MSH6: variants seen among roughly 807,000 people sequenced by gnomAD.
MSH6 encodes the protein mutS homolog 6.
In MSH6, 85 loss-of-function variants were observed where a neutral mutation model predicts 119.1. The ratio of observed to expected loss-of-function variants is 0.71; its 90% CI spans 0.60 to 0.85. MSH6 has a LOEUF of 0.85. Ranked by LOEUF, MSH6 falls within the 40% of genes least tolerant of loss-of-function variation. The probability of loss-of-function intolerance (pLI) is 0.00; values close to 1 mark genes in which losing one functional copy is unlikely to be tolerated. For synonymous variants in MSH6, 830 were observed against 586.9 expected (o/e 1.41, Z -5.99); for missense variants, 2,163 against 1,655.3 (o/e 1.31, Z -5.32).
chr2:47,808,977 A>AC (rs1284659705), downstream of MSH6: 9 of 489,144 alleles, frequency 1.8e-5, no homozygotes, highest in African/African-American at 1.8e-4. Flanking sequence ...GATTACAGGC[A>AC]TAAGCCACCA....
intron 1 of MSH6, chr2:47,789,457 G>A (rs2104066738): frequency 2.2e-6 from 1 of 458,876 alleles, no homozygotes; most frequent in African/African-American, 2.0e-5. Context: ...ACAAATGGAA[G>A]ACATTATTTT....
At chr2:47,809,458 C>T, downstream of MSH6, 1 of 716,800 alleles carries the variant, frequency 1.4e-6, no homozygotes, top group Non-Finnish European at 2.3e-6. Flanking sequence ...CCATTTAGAA[C>T]CAAAGCTCTG....
rs1669068408 is a variant in MSH6, at chr2:47,796,053, A to G, written c.617A>G (p.Glu206Gly). The G allele has an allele frequency of 6.2e-7, 1 of 1,614,124 alleles. No homozygotes were observed. Among genetic ancestry groups the G allele is most frequent in the South Asian group, 1.1e-5 (1 of 91,076 alleles). ...GAGCCCTCAGAGCCAGAAGAGGAAG[A>G]AGAGATGGAGGTGGGACACGGCAAG... Reference protein sequence around the residue: ...CDEPSEPEEEEEMEVGTTYVT... With the variant: ...CDEPSEPEEEGEMEVGTTYVT... The change falls in exon 3 of 10, where the codon GAA (glutamate) becomes GGA (glycine). Residue 206 changes from glutamate to glycine, a missense_variant. Glu to Gly is a moderately conservative substitution (Grantham distance 98). Transcript: ENST00000234420.
downstream of MSH6, chr2:47,808,168 G>A: frequency 6.2e-7 from 1 of 1,613,442 alleles, no homozygotes; most frequent in Non-Finnish European, 8.5e-7. Context: ...GAGTCATATA[G>A]TGTATCTGTA....
At chr2:47,803,129 G>C (rs1438816051) in intron 4 of MSH6, among the ~76,000 whole-genome samples, 1 of 152,096 alleles carries the variant, frequency 6.6e-6, no homozygotes, top group Admixed American at 6.5e-5. Flanking sequence ...TGTTGGTCAG[G>C]CTGGTCCTGA....
chr2:47,791,150 GTGTT>G lies in MSH6; in HGVS notation c.457+31_457+34del, dbSNP rs1572709142. ...TAAGAGTCACTACTGCCATGTGTGT[GTGTT>G]TGTGTGTGTGTGTGTGTGTGTGAGA... On this transcript the variant is annotated intron_variant, in intron 2 of 9. Transcript: ENST00000234420. 7 of 1,586,542 alleles carry G rather than the reference GTGTT, an allele frequency of 4.4e-6. No individual in the cohort carries two copies. The highest frequency in any genetic ancestry group is 3.3e-5 in the South Asian group (3 of 90,340).
chr2:47,808,210 G>T, downstream of MSH6: 1 of 1,613,394 alleles, frequency 6.2e-7, no homozygotes, highest in African/African-American at 1.3e-5. Context: ...AATGTACAAG[G>T]ATTAGACAGT....
intron 1 of MSH6, among the ~76,000 whole-genome samples, chr2:47,787,597 A>G (rs973965780): frequency 1.3e-5 from 2 of 152,130 alleles, no homozygotes; most frequent in Admixed American, 1.3e-4. Flanking sequence ...TCCTAAAATC[A>G]TAATTTAAGG....
rs267608120 is a variant in MSH6 at position 47,806,605 on chromosome 2, AAAGC to A, written c.3959_3962del (p.Ala1320GlufsTer6). 1.1e-5 allele frequency: 18 copies of A among 1,613,118 alleles called. No individual in the cohort carries two copies. The highest frequency in any genetic ancestry group is 8.5e-7 in the Non-Finnish European group (1 of 1,179,806). On this transcript the variant is annotated frameshift_variant, in exon 9 of 10. Coordinates refer to ENST00000234420, the MANE Select transcript of MSH6 (RefSeq NM_000179.3). LOFTEE classifies it high-confidence loss of function. ...GGAAGTTATTCAAAAGGGACATAGA[AAAGC>A]AAGAGAATTTGAGAAGATGAATCAG...
In MSH6 at chr2:47,806,945, T is replaced by TAAAAATG; in HGVS notation, c.*87_*93dup. On this transcript the variant is annotated 3_prime_UTR_variant, in exon 10 of 10. Transcript: ENST00000234420. ...TTATGATCTAATAAACTTTATTTTTTAAAAATGACCATTTTTCCATTTTCT... is the reference window on the plus strand; with the variant it reads ...TTATGATCTAATAAACTTTATTTTTTAAAAATGAAAAATGACCATTTTTCCATTTTCT... 9.6e-7 allele frequency: 1 copy of TAAAAATG among 1,036,782 alleles called. No individual in the cohort carries two copies. Among genetic ancestry groups the TAAAAATG allele is most frequent in the Non-Finnish European group, 1.5e-6 (1 of 675,374 alleles). 64.2% of individuals were successfully genotyped at this position (1,036,782 alleles called of 1,614,324 possible).
downstream of MSH6, chr2:47,809,731 T>A: frequency 6.8e-7 from 1 of 1,474,294 alleles, no homozygotes; most frequent in Non-Finnish European, 9.5e-7. Flanking sequence ...TACAAACAAG[T>A]AGATACATCA....
At chr2:47,804,837 T>C (rs2104502155) in intron 5 of MSH6, 73 bp from the exon 6 acceptor site, 1 of 1,145,242 alleles carries the variant, frequency 8.7e-7, no homozygotes, top group Non-Finnish European at 1.3e-6. Flanking sequence ...TACGTAAGGG[T>C]TCATAAGAAA....
At chr2:47,792,926 C>A (rs1056916290) in intron 2 of MSH6, among the ~76,000 whole-genome samples, 3 of 150,258 alleles carry the variant, frequency 2.0e-5, no homozygotes, top group Non-Finnish European at 4.4e-5. Flanking sequence ...TTCTTGGCCT[C>A]CAGTGATCCT....
Position 47,805,873 on chromosome 2 carries a change from A to C in MSH6, c.3646+166A>C, listed in dbSNP as rs113953008. Among the ~76,000 whole-genome samples the C allele has an allele frequency of 0.014, 2,084 of 146,024 alleles. 38 individuals are homozygous for C. The highest frequency in any genetic ancestry group is 0.052 in the African/African-American group (1,866 of 35,610). ...CCGATAGTTGGAGATAAAAGGTGAT[A>C]TTGTGAAAGGTTTTTGATTACCCAT... On this transcript the variant is annotated intron_variant, in intron 7 of 9. Coordinates refer to ENST00000234420, the MANE Select transcript of MSH6 (RefSeq NM_000179.3).
At position 47,796,088 on chromosome 2, in the gene MSH6, G is replaced by T. The variant is rs761680202; in HGVS notation, c.627+25G>T. The T allele has an allele frequency of 3.1e-6, 5 of 1,612,732 alleles. No individual in the cohort carries two copies. The South Asian group carries it at 5.5e-5, about 18-fold the overall frequency. The stretch of plus-strand genomic sequence containing the variant: ...GGTGGGACACGGCAAGCATTCAGTT[G>T]TTATTTATGTTAGGGTGATGGGGGA... On this transcript the variant is annotated intron_variant, in intron 3 of 9. Transcript: ENST00000234420.
intron 3 of MSH6, among the ~76,000 whole-genome samples, chr2:47,796,279 AGCCTACT>A (rs1669085392): frequency 6.6e-6 from 1 of 152,194 alleles, no homozygotes; most frequent in Non-Finnish European, 1.5e-5. Context: ...TAGGTTTTCA[AGCCTACT>A]GGCAGGGTAA....
At chr2:47,808,808 T>C (rs1670407289), downstream of MSH6, 3 of 258,578 alleles carry the variant, frequency 1.2e-5, no homozygotes, top group Non-Finnish European at 2.2e-5. Flanking sequence ...TTACACAACA[T>C]GAGTTACATG....
chr2:47,806,118 C>G (rs1460086881), intron 7 of MSH6, 86 bp from the exon 8 acceptor site: 7 of 1,344,168 alleles, frequency 5.2e-6, no homozygotes, highest in South Asian at 4.8e-5. Context: ...ACCGATGTTG[C>G]TTTTCTGTCC....
chr2:47,807,676 A>G (rs1421864180), downstream of MSH6: 1 of 229,890 alleles, frequency 4.3e-6, no homozygotes, highest in African/African-American at 2.2e-5. Flanking sequence ...TTAAAAAAAA[A>G]AAATCAAAAG....
Sources: gnomAD v4.1 joint callset for allele counts (sites outside exome capture counted in the v4.1 genomes callset) on GRCh38, gnomAD v4.1.1 for gene constraint, MANE v1.5 for transcripts, NCBI Gene and HGNC (gene_info 2026-07-23, HGNC 2026-07-21) for gene names.